The following MAP7 variants were observed in gnomAD, a reference collection of about 807,000 sequenced individuals.
The protein encoded by MAP7 is ensconsin.
Under a neutral mutation model 94.8 loss-of-function variants are expected in MAP7, and 52 were observed. The ratio of observed to expected loss-of-function variants is 0.55; its 90% CI spans 0.44 to 0.69. The LOEUF is 0.69. MAP7 is among the 30% of genes least tolerant of loss of function. The probability of loss-of-function intolerance (pLI) is 0.00; values close to 1 mark genes in which losing one functional copy is unlikely to be tolerated. For missense variants in MAP7, 940 were observed against 964.6 expected (o/e 0.97, Z 0.34); for synonymous variants, 350 against 357.0 (o/e 0.98, Z 0.22).
chr6:136,532,326 A>G (rs1237509495), intron 1 of MAP7, among the ~76,000 whole-genome samples: 28 of 152,244 alleles, frequency 1.8e-4, no homozygotes. Context: ...GAACACTTTC[A>G]GAAGAGAGTG....
intron 1 of MAP7, among the ~76,000 whole-genome samples, chr6:136,532,287 C>G (rs1044664052): frequency 6.6e-6 from 1 of 151,988 alleles, no homozygotes; most frequent in Non-Finnish European, 1.5e-5. Flanking sequence ...ATGGTACTCG[C>G]AAGATATTTG....
chr6:136,500,208 G>A (rs570085361), intron 1 of MAP7, among the ~76,000 whole-genome samples: 2 of 152,278 alleles, frequency 1.3e-5, no homozygotes, highest in South Asian at 2.1e-4. Context: ...TCTATACAAA[G>A]TACCTGGCAC....
At chr6:136,526,620 T>A (rs1418108870) in intron 1 of MAP7, 2 of 985,386 alleles carry the variant, frequency 2.0e-6, no homozygotes, top group Non-Finnish European at 2.4e-6. Context: ...GTGAGGCCGC[T>A]GGGCAGCTCC....
intron 1 of MAP7, among the ~76,000 whole-genome samples, chr6:136,437,200 C>G (rs1384982745): frequency 2.0e-5 from 3 of 152,194 alleles, no homozygotes; most frequent in Non-Finnish European, 4.4e-5. Flanking sequence ...GTTCTTCCAC[C>G]CTTTAGCTTC....
intron 1 of MAP7, among the ~76,000 whole-genome samples, chr6:136,439,543 C>T (rs939728711): frequency 5.3e-5 from 8 of 152,134 alleles, no homozygotes; most frequent in Admixed American, 1.3e-4. Context: ...CTCTAGGACG[C>T]GCTTAGATGA....
At chr6:136,427,960 A>T (rs1322715833) in intron 1 of MAP7, among the ~76,000 whole-genome samples, 1 of 152,234 alleles carries the variant, frequency 6.6e-6, no homozygotes, top group Non-Finnish European at 1.5e-5. Flanking sequence ...AAAAGGAAAT[A>T]AATTTGTTCA....
At chr6:136,528,466 T>A (rs181137760) in intron 1 of MAP7, among the ~76,000 whole-genome samples, 563 of 152,336 alleles carry the variant, frequency 3.7e-3, no homozygotes, top group Non-Finnish European at 5.7e-3. Context: ...TATTTTCAAA[T>A]CCACATTAGC....
rs763194318 is a variant in MAP7, at chr6:136,361,132, G to A, written c.1574C>T (p.Thr525Ile). The A allele has an allele frequency of 1.9e-6, 3 of 1,605,550 alleles. No individual in the cohort carries two copies. The highest frequency in any genetic ancestry group is 1.1e-5 in the South Asian group (1 of 91,076). ...CCTGCGCGACTCCTCCTCACGGCGA[G>A]TCGTCCTCTCTTCAGCCACACGTTG... is the stretch of plus-strand genomic sequence containing the variant. ...LAQRVAEERTTRREEESRRLE... is the reference protein window; with the variant it reads ...LAQRVAEERTIRREEESRRLE... The change falls in exon 12 of 18, where the codon ACT (threonine) becomes ATT (isoleucine). Residue 525 changes from threonine to isoleucine, a missense_variant. Physicochemically the swap from Thr to Ile is moderately conservative, Grantham distance 89. Coordinates refer to ENST00000354570, the MANE Select transcript of MAP7 (RefSeq NM_003980.6).
intron 1 of MAP7, among the ~76,000 whole-genome samples, chr6:136,486,799 A>G (rs188803349): frequency 4.2e-4 from 64 of 152,354 alleles, no homozygotes; most frequent in African/African-American, 1.5e-3. Context: ...AACTCTCTGT[A>G]ATAGGAAGAT....
At chr6:136,429,633 G>T (rs1215509017) in intron 1 of MAP7, among the ~76,000 whole-genome samples, 1 of 152,162 alleles carries the variant, frequency 6.6e-6, no homozygotes, top group African/African-American at 2.4e-5. Context: ...GAACTGGGGG[G>T]AATCACCCAC....
chr6:136,486,301 AG>A (rs1393700141), intron 1 of MAP7, among the ~76,000 whole-genome samples: 3 of 152,228 alleles, frequency 2.0e-5, no homozygotes, highest in Non-Finnish European at 2.9e-5. Flanking sequence ...ACCAGAATGA[AG>A]GCTCCTTCCC....
intron 8 of MAP7, among the ~76,000 whole-genome samples, chr6:136,370,905 C>CTT (rs67002671): frequency 6.7e-6 from 1 of 149,218 alleles, no homozygotes; most frequent in Non-Finnish European, 1.5e-5. Flanking sequence ...ACGTTACATG[C>CTT]TTTTTTTTTT....
chr6:136,344,164 A>G lies in MAP7; in HGVS notation c.*64T>C, dbSNP rs1787063563. On this transcript the variant is annotated 3_prime_UTR_variant, in exon 18 of 18. Coordinates refer to ENST00000354570, the MANE Select transcript of MAP7 (RefSeq NM_003980.6). ...GAGGGGATGCTCCTTTATAGCAGGAAAGGAATTCCATTAATTGTAGAAATT... is the reference window on the plus strand; with the variant it reads ...GAGGGGATGCTCCTTTATAGCAGGAGAGGAATTCCATTAATTGTAGAAATT... 4 of 844,270 alleles carry G rather than the reference A, an allele frequency of 4.7e-6. No homozygotes were observed. The highest frequency in any genetic ancestry group is 6.8e-6 in the Non-Finnish European group (4 of 589,564). The allele number at this position is 844,270 out of a possible 1,614,324, so 52.3% of individuals were successfully genotyped here.
At chr6:136,532,950 C>T (rs1038628483) in intron 1 of MAP7, among the ~76,000 whole-genome samples, 2 of 152,234 alleles carry the variant, frequency 1.3e-5, no homozygotes, top group African/African-American at 4.8e-5. Flanking sequence ...TCCGCACCTG[C>T]GGCTTCCAGA....
At chr6:136,366,093 G>A (rs111523626) in intron 9 of MAP7, 75 bp from the exon 10 acceptor site, 9 of 1,435,726 alleles carry the variant, frequency 6.3e-6, no homozygotes, top group Middle Eastern at 2.5e-4. Context: ...AACACGACTC[G>A]ATGGAAGAGA....
rs745705669 is a variant in MAP7 at position 136,550,336 on chromosome 6, G to C, written c.67+6C>G. The C allele has an allele frequency of 6.6e-7, 1 of 1,516,928 alleles. No individual in the cohort carries two copies. Among genetic ancestry groups the C allele is most frequent in the Non-Finnish European group, 8.8e-7 (1 of 1,140,344 alleles). The allele number at this position is 1,516,928 out of a possible 1,614,324, so 94.0% of individuals were successfully genotyped here. A position where few individuals can be genotyped will look rare whatever the true frequency, so the allele number is the denominator to read the frequency against. ...GGGACCCCCACTATCCCCGCTGTGC[G>C]GTCACCTGTTTCGCTTCGCACTGCG... On this transcript the variant is annotated splice_donor_region_variant and intron_variant, in intron 1 of 17. Coordinates refer to ENST00000354570, the MANE Select transcript of MAP7 (RefSeq NM_003980.6). This position sits in a 1 kb window ranked among gnomAD's most constrained non-coding sequence, Gnocchi z 5.1.
intron 3 of MAP7, among the ~76,000 whole-genome samples, chr6:136,401,813 TAAAAAAACAGAA>T (rs1399052911): frequency 7.2e-5 from 11 of 151,812 alleles, no homozygotes; most frequent in African/African-American, 2.2e-4. Flanking sequence ...GTCTCTAATG[TAAAAAAACAGAA>T]AAACACAGAA....
At chr6:136,513,671 C>T (rs1024953872) in intron 1 of MAP7, among the ~76,000 whole-genome samples, 1 of 152,084 alleles carries the variant, frequency 6.6e-6, no homozygotes, top group African/African-American at 2.4e-5. Flanking sequence ...CTGAGTATAC[C>T]CTGAGAATGA....
At position 136,416,047 on chromosome 6, in the gene MAP7, T is replaced by A. The variant is rs553272054; in HGVS notation, c.167-4350A>T. 3.9e-5 allele frequency among the ~76,000 whole-genome samples: 6 copies of A among 152,324 alleles called. No individual in the cohort carries two copies. In the South Asian group the frequency reaches 1.2e-3, roughly 32 times the overall value. On this transcript the variant is annotated intron_variant, in intron 2 of 17. Coordinates refer to ENST00000354570, the MANE Select transcript of MAP7 (RefSeq NM_003980.6). Reference sequence around the variant, plus strand: ...TATGAAAGTCTCTTGGGTGCTAGAATGTCATTAACACCTGTGGCAGGTTAA... The same window carrying A: ...TATGAAAGTCTCTTGGGTGCTAGAAAGTCATTAACACCTGTGGCAGGTTAA...
Sources: gnomAD v4.1 joint callset for allele counts (sites outside exome capture counted in the v4.1 genomes callset) on GRCh38, gnomAD v4.1.1 for gene constraint, Gnocchi (gnomAD v3.1) non-coding constraint, MANE v1.5 for transcripts, NCBI Gene and HGNC (gene_info 2026-07-23, HGNC 2026-07-21) for gene names.